The following TRERF1 variants were observed in gnomAD, a reference collection of about 807,000 sequenced individuals.
TRERF1 encodes the protein transcriptional regulating factor 1, also known as transcriptional-regulating factor 1.
A neutral mutation model predicts 122.9 loss-of-function variants in TRERF1; 27 were observed. The observed-to-expected ratio is 0.22, with a 90% CI of 0.16 to 0.30. The LOEUF is 0.30. Ranked by LOEUF, TRERF1 falls within the 10% of genes least tolerant of loss-of-function variation. The probability of loss-of-function intolerance (pLI) is 1.00; values close to 1 mark genes in which losing one functional copy is unlikely to be tolerated. For missense variants in TRERF1, 1,248 were observed against 1,560.3 expected, an observed-to-expected ratio of 0.80 and a Z score of 3.37; for synonymous variants, 636 against 641.7, an observed-to-expected ratio of 0.99 and a Z score of 0.13.
chr6:42,339,472 C>T (rs192063028), intron 3 of TRERF1, among the ~76,000 whole-genome samples: 28 of 152,318 alleles, frequency 1.8e-4, no homozygotes, highest in Admixed American at 1.2e-3. Context: ...CCAATCAGTC[C>T]TCAGGCAGCA....
At chr6:42,282,719 TA>T (rs1428481829) in intron 4 of TRERF1, among the ~76,000 whole-genome samples, 1 of 152,216 alleles carries the variant, frequency 6.6e-6, no homozygotes, top group Non-Finnish European at 1.5e-5. Context: ...TAAAATAGAA[TA>T]TATACATATG....
At chr6:42,288,355 G>A (rs112134290) in intron 4 of TRERF1, among the ~76,000 whole-genome samples, 92 of 152,150 alleles carry the variant, frequency 6.0e-4, no homozygotes, top group African/African-American at 2.2e-3. Flanking sequence ...GGTCACCTGA[G>A]GTCAGGAGTT....
intron 3 of TRERF1, among the ~76,000 whole-genome samples, chr6:42,328,000 CTTTCT>C (rs1200177561): frequency 1.2e-4 from 13 of 110,060 alleles, no homozygotes; most frequent in East Asian, 3.5e-4. Flanking sequence ...CTTTTTCTTT[CTTTCT>C]TTTTTTTTTT....
chr6:42,300,434 G>A (rs1785970756), intron 4 of TRERF1, among the ~76,000 whole-genome samples: 1 of 152,188 alleles, frequency 6.6e-6, no homozygotes, highest in Non-Finnish European at 1.5e-5. Context: ...ACTCAACTCA[G>A]TCCTTTCTGC....
At position 42,259,404 on chromosome 6, in the gene TRERF1, C is replaced by A; in HGVS notation, c.2204G>T (p.Gly735Val). Residue 735 changes from glycine to valine, a missense_variant, in exon 9 of 18, where the codon GGC becomes GTC. By Grantham distance (109) the Gly-to-Val change is moderately radical (BLOSUM62 -3). Transcript: ENST00000372922. This position sits in a 1 kb window ranked among gnomAD's most constrained non-coding sequence, Gnocchi z 4.9. Reference sequence around the variant, plus strand: ...CGTCAGGGGCAGCTGCGGGTGGGCGCCAGGGCCGTGGCCGGAGATGAGGAC... The same window carrying A: ...CGTCAGGGGCAGCTGCGGGTGGGCGACAGGGCCGTGGCCGGAGATGAGGAC... The A allele has an allele frequency of 6.5e-7, 1 of 1,540,578 alleles. No homozygotes were observed. Among genetic ancestry groups the A allele is most frequent in the Non-Finnish European group, 8.7e-7 (1 of 1,152,664 alleles).
intron 2 of TRERF1, among the ~76,000 whole-genome samples, chr6:42,416,390 C>T (rs1359839580): frequency 6.6e-6 from 1 of 152,104 alleles, no homozygotes; most frequent in Non-Finnish European, 1.5e-5. Flanking sequence ...AGGAGGTATC[C>T]AATTATTTCT....
chr6:42,343,638 C>T (rs1767717527), intron 3 of TRERF1, among the ~76,000 whole-genome samples: 2 of 152,140 alleles, frequency 1.3e-5, no homozygotes, highest in South Asian at 2.1e-4. Flanking sequence ...TGTGCACAAG[C>T]CTGAGTGAGC....
At chr6:42,257,650 T>G (rs539226359) in intron 10 of TRERF1, among the ~76,000 whole-genome samples, 1 of 152,334 alleles carries the variant, frequency 6.6e-6, no homozygotes, top group East Asian at 1.9e-4. Context: ...CTCAATCTAC[T>G]CACCACTCTA....
intron 3 of TRERF1, among the ~76,000 whole-genome samples, chr6:42,306,349 A>G (rs1281429199): frequency 6.6e-6 from 1 of 152,112 alleles, no homozygotes; most frequent in African/African-American, 2.4e-5. Context: ...ATGGAGGCTG[A>G]GTAAAGAATA....
chr6:42,369,749 C>A (rs1381595016), intron 2 of TRERF1, among the ~76,000 whole-genome samples: 1 of 152,178 alleles, frequency 6.6e-6, no homozygotes, highest in African/African-American at 2.4e-5. Flanking sequence ...CTGCTGCCCT[C>A]TCTGGCCCAG....
At chr6:42,370,363 C>T (rs1046842967) in intron 2 of TRERF1, among the ~76,000 whole-genome samples, 3 of 152,152 alleles carry the variant, frequency 2.0e-5, no homozygotes, top group African/African-American at 4.8e-5. Context: ...TTTCACTTCC[C>T]TTTCCTCTTT....
intron 3 of TRERF1, among the ~76,000 whole-genome samples, chr6:42,346,127 C>T (rs752946009): frequency 4.6e-5 from 7 of 152,288 alleles, no homozygotes; most frequent in Middle Eastern, 3.4e-3. Context: ...AAGAAGGCTG[C>T]GAGGAAGAGG....
chr6:42,254,126 T>C (rs180876970), intron 13 of TRERF1, among the ~76,000 whole-genome samples: 3 of 152,336 alleles, frequency 2.0e-5, no homozygotes, highest in African/African-American at 7.2e-5. Flanking sequence ...ATAGGTGTCT[T>C]CTACTTCCCT....
At chr6:42,234,285 CTG>C (rs1771554958) in intron 16 of TRERF1, among the ~76,000 whole-genome samples, 1 of 151,750 alleles carries the variant, frequency 6.6e-6, no homozygotes, top group South Asian at 2.1e-4. Flanking sequence ...GGCTGTCTAG[CTG>C]TAGTAGTTGC....
chr6:42,259,866 G>A lies in TRERF1; in HGVS notation c.1885-143C>T, dbSNP rs916046565. ...CCCACCCCCAACGCCCCCACATTCTGACCACATCCATTTTAGGCAAAGCGA... is the reference window on the plus strand; with the variant it reads ...CCCACCCCCAACGCCCCCACATTCTAACCACATCCATTTTAGGCAAAGCGA... On this transcript the variant is annotated intron_variant, in intron 8 of 17. Transcript: ENST00000372922. The surrounding 1 kb of genome is among the most constrained non-coding windows in gnomAD (Gnocchi z 4.9). The A allele has an allele frequency of 3.4e-6, 4 of 1,171,252 alleles. No individual in the cohort carries two copies. Among genetic ancestry groups the A allele is most frequent in the Admixed American group, 5.4e-5 (2 of 37,034 alleles). The allele number at this position is 1,171,252 out of a possible 1,614,324, so 72.6% of individuals were successfully genotyped here.
chr6:42,406,623 A>C (rs2151401014), intron 2 of TRERF1, among the ~76,000 whole-genome samples: 1 of 152,264 alleles, frequency 6.6e-6, no homozygotes, highest in Middle Eastern at 3.4e-3. Context: ...AACCTTCCTC[A>C]ACAAATGCTG....
intron 3 of TRERF1, among the ~76,000 whole-genome samples, chr6:42,355,588 G>C (rs906997301): frequency 6.6e-6 from 1 of 152,106 alleles, no homozygotes; most frequent in Non-Finnish European, 1.5e-5. Flanking sequence ...TCTCAATCCC[G>C]CAACAGTTTA....
chr6:42,229,239 G>C (rs1770040168), intron 17 of TRERF1, among the ~76,000 whole-genome samples: 1 of 152,194 alleles, frequency 6.6e-6, no homozygotes, highest in Non-Finnish European at 1.5e-5. Flanking sequence ...CTGGGCTCAA[G>C]TGATCCTCCC....
At chr6:42,314,654 C>T (rs887780358) in intron 3 of TRERF1, among the ~76,000 whole-genome samples, 1 of 152,072 alleles carries the variant, frequency 6.6e-6, no homozygotes, top group African/African-American at 2.4e-5. Flanking sequence ...TGGGAAAAAA[C>T]AAAGTAGGAA....
Sources: gnomAD v4.1 joint callset for allele counts (sites outside exome capture counted in the v4.1 genomes callset) on GRCh38, gnomAD v4.1.1 for gene constraint, Gnocchi (gnomAD v3.1) non-coding constraint, MANE v1.5 for transcripts, NCBI Gene and HGNC (gene_info 2026-07-23, HGNC 2026-07-21) for gene names.